The following ANK2 variants were observed in gnomAD, a reference collection of about 807,000 sequenced individuals.
The protein encoded by ANK2 is ankyrin-2.
ANK2 carries 83 observed loss-of-function variants against 360.5 expected under a neutral mutation model. The observed-to-expected ratio is 0.23, with a 90% CI of 0.19 to 0.28. The LOEUF (loss-of-function observed/expected upper bound fraction) is 0.28, where lower values mean the gene tolerates loss of function less well. ANK2 is among the 10% of genes least tolerant of loss of function. The pLI is 1.00. For synonymous variants in ANK2, 1,740 were observed against 1,759.5 expected (o/e 0.99, Z 0.28); for missense variants, 4,201 against 4,795.7 (o/e 0.88, Z 3.66).
chr4:113,050,217 A>G (rs556975160), intron 1 of ANK2, among the ~76,000 whole-genome samples: 4 of 152,200 alleles, frequency 2.6e-5, no homozygotes, highest in South Asian at 2.1e-4. Context: ...CGTTTGCTCT[A>G]TGATGATCCT....
chr4:112,965,579 T>G (rs2036885768), intron 2 of ANK2, among the ~76,000 whole-genome samples: 1 of 152,232 alleles, frequency 6.6e-6, no homozygotes, highest in South Asian at 2.1e-4. Context: ...CAGTGTTTTC[T>G]TATAGTAGTT....
At chr4:112,896,166 AT>A (rs2081673156) in intron 1 of ANK2, among the ~76,000 whole-genome samples, 1 of 152,212 alleles carries the variant, frequency 6.6e-6, no homozygotes, top group Non-Finnish European at 1.5e-5. Context: ...CTCTGACTTA[AT>A]TTATGTCCAT....
At chr4:113,207,251 G>A in intron 4 of ANK2, among the ~76,000 whole-genome samples, 1 of 152,174 alleles carries the variant, frequency 6.6e-6, no homozygotes, top group Non-Finnish European at 1.5e-5. Context: ...AGATGGTATG[G>A]AAAGGCTGAA....
chr4:113,038,403 G>C (rs185799337), intron 2 of ANK2, among the ~76,000 whole-genome samples: 4 of 151,806 alleles, frequency 2.6e-5, no homozygotes, highest in Non-Finnish European at 4.4e-5. Context: ...ATGAATAAAG[G>C]GAATGCAGAA....
chr4:113,357,031 C>A lies in ANK2; in HGVS notation c.8413C>A (p.Pro2805Thr). The part of the protein sequence containing the change: ...SPTGDDVDEQ[P>T]VIYKESLALQ... Reference sequence around the variant, plus strand: ...GACTGGTGATGATGTTGATGAACAGCCAGTCATCTATAAAGAATCATTAGC... The same window carrying A: ...GACTGGTGATGATGTTGATGAACAGACAGTCATCTATAAAGAATCATTAGC... The change falls in exon 38 of 46, where the codon CCA (proline) becomes ACA (threonine). Residue 2805 changes from proline to threonine, a missense_variant. By Grantham distance (38) the Pro-to-Thr change is conservative (BLOSUM62 -1). Transcript: ENST00000357077. 6.2e-7 allele frequency: 1 copy of A among 1,613,984 alleles called. No individual in the cohort carries two copies. The highest frequency in any genetic ancestry group is 8.5e-7 in the Non-Finnish European group (1 of 1,179,954).
At chr4:113,237,305 A>G (rs1365398994) in intron 6 of ANK2, 133 bp downstream of exon 6, 4 of 1,163,984 alleles carry the variant, frequency 3.4e-6, no homozygotes, top group South Asian at 1.3e-5. Flanking sequence ...AATGACTTTC[A>G]GAGGTATTTC....
the ANK2 span, among the ~76,000 whole-genome samples, chr4:112,734,247 T>G: frequency 1.3e-5 from 2 of 152,228 alleles, no homozygotes; most frequent in African/African-American, 4.8e-5. Flanking sequence ...CAGTCTCTCC[T>G]TAAGAGAACA....
chr4:112,803,647 TA>T, the ANK2 span, among the ~76,000 whole-genome samples: 4 of 152,252 alleles, frequency 2.6e-5, no homozygotes, highest in South Asian at 6.2e-4. Context: ...TGTGAGAGAA[TA>T]AATATCTCGA....
intron 1 of ANK2, among the ~76,000 whole-genome samples, chr4:112,871,787 T>C (rs1401755811): frequency 6.6e-6 from 1 of 152,230 alleles, no homozygotes; most frequent in East Asian, 1.9e-4. Flanking sequence ...TCCTAGCTTA[T>C]TGAATGTTTT....
chr4:113,332,878 G>C (rs2092790875), intron 28 of ANK2, 176 bp from the exon 29 acceptor site: 1 of 778,680 alleles, frequency 1.3e-6, no homozygotes, highest in African/African-American at 1.7e-5. Flanking sequence ...TGGTGCCCCT[G>C]AGGTGGAGTG....
the ANK2 span, among the ~76,000 whole-genome samples, chr4:112,715,205 G>GT: frequency 1.4e-5 from 2 of 142,538 alleles, no homozygotes; most frequent in African/African-American, 5.2e-5. Flanking sequence ...TTGCAGCGCG[G>GT]TGATTGGGTT....
chr4:112,810,148 T>A, the ANK2 span, among the ~76,000 whole-genome samples: 2 of 19,672 alleles, frequency 1.0e-4, 1 homozygote, highest in East Asian at 5.1e-3. Flanking sequence ...TATATATATA[T>A]ATATATATAT....
chr4:112,943,224 T>C (rs1202859138), intron 2 of ANK2, among the ~76,000 whole-genome samples: 3 of 152,082 alleles, frequency 2.0e-5, no homozygotes, highest in Non-Finnish European at 4.4e-5. Context: ...TTATCCTACA[T>C]CATAGATGCT....
rs534367304 is a variant in ANK2, at chr4:112,841,618, T to G, written c.-40+23354T>G. Among the ~76,000 whole-genome samples the G allele has an allele frequency of 2.6e-5, 4 of 152,364 alleles. No individual in the cohort carries two copies. The East Asian group carries it at 7.7e-4, about 29-fold the overall frequency. ...AGAGGCTGCCATTTCTTGGAAATTA[T>G]GCCCAAATGGCCTGACAAATTGGGC... On this transcript the variant is annotated intron_variant, in intron 1 of 30. Transcript: ENST00000503271.
intron 1 of ANK2, among the ~76,000 whole-genome samples, chr4:113,171,059 A>C (rs1422289129): frequency 6.6e-6 from 1 of 152,086 alleles, no homozygotes; most frequent in East Asian, 1.9e-4. Context: ...CTTTTGCCTC[A>C]TTTTCTCTTT....
chr4:112,845,452 T>C (rs2063084797), intron 1 of ANK2, among the ~76,000 whole-genome samples: 2 of 152,194 alleles, frequency 1.3e-5, no homozygotes, highest in Non-Finnish European at 2.9e-5. Context: ...TTTAAGCTTC[T>C]TTTTAGTAGA....
chr4:113,278,425 T>G (rs1459454172), intron 16 of ANK2, 35 bp from the exon 17 acceptor site: 3 of 1,597,230 alleles, frequency 1.9e-6, no homozygotes, highest in Non-Finnish European at 2.6e-6. Context: ...TAACCCTAAT[T>G]TATTAATGCT....
intron 1 of ANK2, among the ~76,000 whole-genome samples, chr4:113,120,154 G>T (rs571042699): frequency 2.0e-5 from 3 of 152,196 alleles, no homozygotes; most frequent in Admixed American, 1.3e-4. Flanking sequence ...AATATCTATT[G>T]TATGTGTCAT....
the ANK2 span, among the ~76,000 whole-genome samples, chr4:112,732,934 A>AG: frequency 6.6e-6 from 1 of 150,914 alleles, no homozygotes; most frequent in East Asian, 2.0e-4. Context: ...ACAAAAAAAA[A>AG]GGGGCCAGGC....
Sources: allele counts gnomAD v4.1 joint callset (sites outside exome capture counted in the v4.1 genomes callset), GRCh38; gene constraint gnomAD v4.1.1; transcripts MANE v1.5; gene names NCBI Gene and HGNC (gene_info 2026-07-23, HGNC 2026-07-21).